The following CENPW variants were observed in gnomAD, a reference collection of about 807,000 sequenced individuals.
CENPW encodes the protein centromere protein W, also known as cancer-up-regulated gene 2 protein.
CENPW carries 3 observed loss-of-function variants against 11.1 expected under a neutral mutation model. The ratio of observed to expected loss-of-function variants is 0.27; its 90% CI spans 0.12 to 0.70. The LOEUF (loss-of-function observed/expected upper bound fraction) is 0.70. Among genes scored for constraint, CENPW ranks in the 30% least tolerant of loss-of-function variants. The pLI is 0.77. For synonymous variants in CENPW, 38 were observed against 42.0 expected, an observed-to-expected ratio of 0.91 and a Z score of 0.37; for missense variants, 100 against 105.6, an observed-to-expected ratio of 0.95 and a Z score of 0.23.
At chr6:126,463,033 A>C in the CENPW span, among the ~76,000 whole-genome samples, 1 of 152,102 alleles carries the variant, frequency 6.6e-6, no homozygotes, top group Non-Finnish European at 1.5e-5. Flanking sequence ...GAAATAGCAT[A>C]AGATAGTGAA....
At chr6:126,475,499 G>A in the CENPW span, among the ~76,000 whole-genome samples, 1 of 151,902 alleles carries the variant, frequency 6.6e-6, no homozygotes, top group South Asian at 2.1e-4. Context: ...AAATATGAAG[G>A]CAAGAATATT....
chr6:126,340,166 G>T lies in CENPW; in HGVS notation c.-108G>T, dbSNP rs1291153012. On this transcript the variant is annotated 5_prime_UTR_variant, in exon 1 of 3. Transcript: ENST00000368328. ...TCGGACTGAGGTTTTTCTGCCTGAAGAAGCGTCATACGGACCGGATTGTTT... is the reference window on the plus strand; with the variant it reads ...TCGGACTGAGGTTTTTCTGCCTGAATAAGCGTCATACGGACCGGATTGTTT... 2.0e-6 allele frequency: 2 copies of T among 1,023,696 alleles called. No homozygotes were observed. The highest frequency in any genetic ancestry group is 1.6e-5 in the African/African-American group (1 of 62,354). 63.4% of individuals were successfully genotyped at this position (1,023,696 alleles called of 1,614,324 possible).
the CENPW span, among the ~76,000 whole-genome samples, chr6:126,435,428 A>G: frequency 1.3e-5 from 2 of 151,700 alleles, no homozygotes; most frequent in African/African-American, 2.4e-5. Flanking sequence ...TGTGATTGAT[A>G]TATCTTTTGT....
chr6:126,375,206 C>T, the CENPW span, among the ~76,000 whole-genome samples: 49 of 152,128 alleles, frequency 3.2e-4, no homozygotes, highest in Middle Eastern at 3.4e-3. Flanking sequence ...GAAAATAAAC[C>T]CAGTGTGTTC....
the CENPW span, among the ~76,000 whole-genome samples, chr6:126,458,330 C>G: frequency 6.6e-6 from 1 of 151,158 alleles, no homozygotes; most frequent in African/African-American, 2.4e-5. Flanking sequence ...CTATATGTCC[C>G]CAGTCAAACT....
At chr6:126,429,721 A>C in the CENPW span, among the ~76,000 whole-genome samples, 1 of 152,188 alleles carries the variant, frequency 6.6e-6, no homozygotes, top group South Asian at 2.1e-4. Flanking sequence ...TTTCTTTGCT[A>C]TCCAGTTAGG....
chr6:126,362,381 G>T, the CENPW span, among the ~76,000 whole-genome samples: 2 of 152,130 alleles, frequency 1.3e-5, no homozygotes, highest in Non-Finnish European at 2.9e-5. Context: ...GATCCCAGTG[G>T]TCTGTAGTGA....
the CENPW span, among the ~76,000 whole-genome samples, chr6:126,442,355 C>G: frequency 1.3e-5 from 2 of 150,956 alleles, no homozygotes; most frequent in South Asian, 4.2e-4. Flanking sequence ...GGATGTTAGT[C>G]CTTAAATAGA....
downstream of CENPW, among the ~76,000 whole-genome samples, chr6:126,352,609 T>C (rs1780504193): frequency 6.6e-6 from 1 of 152,178 alleles, no homozygotes; most frequent in African/African-American, 2.4e-5. Context: ...ATAAGAGTTT[T>C]GTTTGGTTAG....
the CENPW span, among the ~76,000 whole-genome samples, chr6:126,469,687 A>G: frequency 0.018 from 2,693 of 152,274 alleles, 89 homozygotes; most frequent in African/African-American, 0.062. Context: ...GATATGGACA[A>G]TGAAGTCCAG....
chr6:126,421,539 T>C, the CENPW span, among the ~76,000 whole-genome samples: 3 of 152,046 alleles, frequency 2.0e-5, no homozygotes, highest in Middle Eastern at 3.4e-3. Context: ...AGACTTTTTT[T>C]CTGCAAATTT....
the CENPW span, among the ~76,000 whole-genome samples, chr6:126,405,022 A>C: frequency 5.3e-5 from 8 of 151,828 alleles, no homozygotes; most frequent in Non-Finnish European, 7.4e-5. Flanking sequence ...AGTCTCATTT[A>C]TCTATATTTG....
the CENPW span, among the ~76,000 whole-genome samples, chr6:126,438,120 T>G: frequency 6.6e-6 from 1 of 151,564 alleles, no homozygotes; most frequent in Non-Finnish European, 1.5e-5. Flanking sequence ...GTGATGTTAA[T>G]GCCCAGTAAA....
rs1348662071 is a variant in CENPW at position 126,348,557 on chromosome 6, CA to C, written c.*66del. On this transcript the variant is annotated 3_prime_UTR_variant, in exon 3 of 3. Transcript: ENST00000368328. The stretch of plus-strand genomic sequence containing the variant: ...TTTGGGTGGTAACAGATCATAAAGA[CA>C]TTTTTTACACATCAGTTAATATGGG... 6.5e-6 allele frequency: 6 copies of C among 921,406 alleles called. No homozygotes were observed. Among genetic ancestry groups the C allele is most frequent in the East Asian group, 4.9e-5 (2 of 40,672 alleles). 57.1% of individuals were successfully genotyped at this position (921,406 alleles called of 1,614,324 possible). A position where few individuals can be genotyped will look rare whatever the true frequency, so the allele number is the denominator to read the frequency against.
intron 1 of CENPW, 46 bp from the exon 2 acceptor site, chr6:126,346,159 A>G: frequency 2.0e-6 from 2 of 982,580 alleles, no homozygotes; most frequent in Non-Finnish European, 3.1e-6. Flanking sequence ...ATTTCAATGC[A>G]TCAGTATTTG....
At chr6:126,451,618 C>G in the CENPW span, among the ~76,000 whole-genome samples, 1 of 151,032 alleles carries the variant, frequency 6.6e-6, no homozygotes, top group African/African-American at 2.4e-5. Flanking sequence ...TGCAAGGAGA[C>G]TAAATTTGGG....
chr6:126,392,281 G>T, the CENPW span, among the ~76,000 whole-genome samples: 1 of 151,638 alleles, frequency 6.6e-6, no homozygotes, highest in African/African-American at 2.4e-5. Flanking sequence ...GTTTCAAATT[G>T]TTTGCAGTTG....
the CENPW span, among the ~76,000 whole-genome samples, chr6:126,356,889 G>C: frequency 1.3e-5 from 2 of 152,032 alleles, no homozygotes; most frequent in African/African-American, 2.4e-5. Flanking sequence ...ATTTCTGTAG[G>C]TTGTCTGTTT....
chr6:126,376,222 T>C, the CENPW span, among the ~76,000 whole-genome samples: 72 of 152,316 alleles, frequency 4.7e-4, no homozygotes, highest in South Asian at 7.7e-3. Flanking sequence ...AGTAAAGATA[T>C]TTTGTGGTTC....
Sources: allele counts gnomAD v4.1 joint callset (sites outside exome capture counted in the v4.1 genomes callset), GRCh38; gene constraint gnomAD v4.1.1; transcripts MANE v1.5; gene names NCBI Gene and HGNC (gene_info 2026-07-23, HGNC 2026-07-21).